Variants in MRRF observed in about 807,000 individuals in gnomAD.
MRRF encodes the protein mitochondrial ribosome recycling factor, also known as ribosome-recycling factor, mitochondrial.
MRRF carries 18 observed loss-of-function variants against 25.1 expected under a neutral mutation model. The ratio of observed to expected loss-of-function variants is 0.72; its 90% CI spans 0.50 to 1.06. MRRF has a LOEUF of 1.06. MRRF is among the 50% of genes least tolerant of loss of function. The pLI is 0.00. For missense variants in MRRF, 323 were observed against 319.3 expected (o/e 1.01, Z -0.09); for synonymous variants, 113 against 112.1 (o/e 1.01, Z -0.05).
At chr9:122,290,973 T>C (rs766966659) in intron 4 of MRRF, among the ~76,000 whole-genome samples, 2 of 152,200 alleles carry the variant, frequency 1.3e-5, no homozygotes, top group African/African-American at 2.4e-5. Flanking sequence ...CTTTATATAA[T>C]AAATGTATAT....
At chr9:122,277,739 A>G (rs1832864013) in intron 2 of MRRF, among the ~76,000 whole-genome samples, 1 of 151,938 alleles carries the variant, frequency 6.6e-6, no homozygotes. Flanking sequence ...TTTAGTAGAG[A>G]TGGTGTTTTG....
rs1181876110 is a variant in MRRF, at chr9:122,326,240, C to G, written c.*3623C>G. The G allele has an allele frequency of 6.6e-6, 1 of 151,614 alleles. No homozygotes were observed. The highest frequency in any genetic ancestry group is 1.5e-5 in the Non-Finnish European group (1 of 68,020). The allele number at this position is 151,614 out of a possible 1,614,324, so 9.4% of individuals were successfully genotyped here. ...TTCCCTGCTTCAGCCTCCTGAGTAG[C>G]TGGGATTACAGGCGCCCGCCACCAC... On this transcript the variant is annotated 3_prime_UTR_variant, in exon 7 of 7. Coordinates refer to ENST00000344641, the MANE Select transcript of MRRF (RefSeq NM_138777.5).
chr9:122,317,356 G>A (rs1246599376), intron 6 of MRRF, among the ~76,000 whole-genome samples: 1 of 151,744 alleles, frequency 6.6e-6, no homozygotes, highest in Admixed American at 6.6e-5. Context: ...AAATCCATAC[G>A]ACCTTTCTAA....
At chr9:122,266,193 G>GTCATAGAT (rs1832072878) in intron 1 of MRRF, among the ~76,000 whole-genome samples, 1 of 152,236 alleles carries the variant, frequency 6.6e-6, no homozygotes. Flanking sequence ...ATTAGTCCTT[G>GTCATAGAT]TAGTACTTAG....
At position 122,325,581 on chromosome 9, in the gene MRRF, T is replaced by G. The variant is rs1588099739; in HGVS notation, c.*2964T>G. On this transcript the variant is annotated 3_prime_UTR_variant, in exon 7 of 7. Coordinates refer to ENST00000344641, the MANE Select transcript of MRRF (RefSeq NM_138777.5). ...CTATTCAGTTTAATGACTTTCAAAG[T>G]CCTATGAAATATTCAGGCCAGAGAG... is the stretch of plus-strand genomic sequence containing the variant. The G allele has an allele frequency of 6.6e-6, 1 of 151,816 alleles. No individual in the cohort carries two copies. The highest frequency in any genetic ancestry group is 2.1e-4 in the South Asian group (1 of 4,820). 9.4% of individuals were successfully genotyped at this position (151,816 alleles called of 1,614,324 possible).
Position 122,270,869 on chromosome 9 carries a change from G to A in MRRF, c.-23G>A. ...TTTTGTCTTATTCTTTTTAGTGGAT[G>A]TTTCCAAGGATTGTCTTCAGTCATG... On this transcript the variant is annotated 5_prime_UTR_variant, in exon 2 of 7. It removes an upstream start codon present in the reference 5' UTR. Coordinates refer to ENST00000344641, the MANE Select transcript of MRRF (RefSeq NM_138777.5). 1 of 1,613,102 alleles carries A rather than the reference G, an allele frequency of 6.2e-7. No homozygotes were observed. The highest frequency in any genetic ancestry group is 8.5e-7 in the Non-Finnish European group (1 of 1,179,050).
rs77321228 is a variant in MRRF, at chr9:122,293,914, A to G, written c.551+2074A>G. Among the ~76,000 whole-genome samples, 555 of 152,354 alleles carry G rather than the reference A, an allele frequency of 3.6e-3. 26 individuals are homozygous for G. In the East Asian group the frequency reaches 0.096, roughly 26 times the overall value. On this transcript the variant is annotated intron_variant, in intron 5 of 6. Transcript: ENST00000344641. ...GGGACTTGCCCGAGATCACATGACCAGTAAATGGCAGTCAGGATTTGAAGC... is the reference window on the plus strand; with the variant it reads ...GGGACTTGCCCGAGATCACATGACCGGTAAATGGCAGTCAGGATTTGAAGC...
At chr9:122,309,154 C>T (rs1835054490) in intron 5 of MRRF, among the ~76,000 whole-genome samples, 1 of 152,152 alleles carries the variant, frequency 6.6e-6, no homozygotes, top group Admixed American at 6.5e-5. Flanking sequence ...CTCTGTGAGT[C>T]TGGCATATTT....
Position 122,326,943 on chromosome 9 carries a change from G to A in MRRF, c.*4326G>A, listed in dbSNP as rs1410633937. 1 of 152,246 alleles carries A rather than the reference G, an allele frequency of 6.6e-6. No individual in the cohort carries two copies. The highest frequency in any genetic ancestry group is 2.4e-5 in the African/African-American group (1 of 41,466). The allele number at this position is 152,246 out of a possible 1,614,324, so 9.4% of individuals were successfully genotyped here. On this transcript the variant is annotated 3_prime_UTR_variant, in exon 7 of 7. Transcript: ENST00000344641. The stretch of plus-strand genomic sequence containing the variant: ...TTTCAAACCCACATCTGACCTTGAA[G>A]TAGGTCCTTAATCAGTGTGCTTTGG...
At position 122,268,444 on chromosome 9, in the gene MRRF, TTATAAG is replaced by T. The variant is rs539469456; in HGVS notation, c.-28-2416_-28-2411del. On this transcript the variant is annotated intron_variant, in intron 1 of 6. Coordinates refer to ENST00000344641, the MANE Select transcript of MRRF (RefSeq NM_138777.5). Reference sequence around the variant, plus strand: ...CTCATTATTCTACAGCCATATTTGGTTATAAGTATGAGTTAGGCATTGGTTTTATTA... The same window carrying T: ...CTCATTATTCTACAGCCATATTTGGTTATGAGTTAGGCATTGGTTTTATTA... 1.6e-4 allele frequency among the ~76,000 whole-genome samples: 25 copies of T among 152,292 alleles called. No homozygotes were observed. In the East Asian group the frequency reaches 1.9e-3, roughly 12 times the overall value.
intron 4 of MRRF, chr9:122,286,280 A>G: frequency 9.3e-7 from 1 of 1,078,118 alleles, no homozygotes; most frequent in Non-Finnish European, 1.2e-6. Flanking sequence ...GAGAAAGGGA[A>G]AGCCCTTGCT....
At chr9:122,269,505 G>T (rs1194085888) in intron 1 of MRRF, among the ~76,000 whole-genome samples, 1 of 152,208 alleles carries the variant, frequency 6.6e-6, no homozygotes, top group Middle Eastern at 3.4e-3. Flanking sequence ...CAGGTGGATT[G>T]CCTGAGCCCA....
Position 122,307,626 on chromosome 9 carries a change from T to C in MRRF, c.552-5601T>C, listed in dbSNP as rs956621308. Among the ~76,000 whole-genome samples, 12 of 152,296 alleles carry C rather than the reference T, an allele frequency of 7.9e-5. 1 individual carries two copies. In the South Asian group the frequency reaches 2.5e-3, roughly 32 times the overall value. On this transcript the variant is annotated intron_variant, in intron 5 of 6. Coordinates refer to ENST00000344641, the MANE Select transcript of MRRF (RefSeq NM_138777.5). Reference sequence around the variant, plus strand: ...AGCACGCCAAGTACTTATCCCCCATTATTTCATTTAATCCTCCCTTCCACC... The same window carrying C: ...AGCACGCCAAGTACTTATCCCCCATCATTTCATTTAATCCTCCCTTCCACC...
intron 5 of MRRF, among the ~76,000 whole-genome samples, chr9:122,299,993 A>C (rs2118871198): frequency 6.6e-6 from 1 of 152,322 alleles, no homozygotes; most frequent in East Asian, 1.9e-4. Flanking sequence ...GATGTGCAGC[A>C]GATGTCTGGG....
intron 5 of MRRF, among the ~76,000 whole-genome samples, chr9:122,297,147 T>C (rs570688318): frequency 6.6e-6 from 1 of 152,264 alleles, no homozygotes; most frequent in South Asian, 2.1e-4. Flanking sequence ...ACCCCATCTC[T>C]ACTAAAAATA....
chr9:122,306,679 CG>C (rs1834867495), intron 5 of MRRF, among the ~76,000 whole-genome samples: 3 of 152,116 alleles, frequency 2.0e-5, no homozygotes, highest in Admixed American at 2.0e-4. Flanking sequence ...TGTGCTTTTT[CG>C]CATGTATGAT....
chr9:122,288,653 A>G (rs757944069), intron 4 of MRRF, among the ~76,000 whole-genome samples: 6 of 152,258 alleles, frequency 3.9e-5, no homozygotes, highest in Non-Finnish European at 7.3e-5. Flanking sequence ...TTCATAGACT[A>G]CATTCTAAGG....
In MRRF at chr9:122,322,746, G is replaced by A; in HGVS notation, c.*129G>A. 1.2e-6 allele frequency: 1 copy of A among 820,828 alleles called. No homozygotes were observed. Among genetic ancestry groups the A allele is most frequent in the Non-Finnish European group, 2.1e-6 (1 of 481,310 alleles). 50.8% of individuals were successfully genotyped at this position (820,828 alleles called of 1,614,324 possible). A position where few individuals can be genotyped will look rare whatever the true frequency, so the allele number is the denominator to read the frequency against. ...ACCATGCTGACAGAAGCCTGTCCTTGTAAGGCCCAGCCTTCCAGGGGAACA... is the reference window on the plus strand; with the variant it reads ...ACCATGCTGACAGAAGCCTGTCCTTATAAGGCCCAGCCTTCCAGGGGAACA... On this transcript the variant is annotated 3_prime_UTR_variant, in exon 7 of 7. Coordinates refer to ENST00000344641, the MANE Select transcript of MRRF (RefSeq NM_138777.5).
chr9:122,292,199 G>A (rs1249961642), intron 5 of MRRF, among the ~76,000 whole-genome samples: 1 of 152,174 alleles, frequency 6.6e-6, no homozygotes, highest in Non-Finnish European at 1.5e-5. Flanking sequence ...ATGGTGGCAG[G>A]GGCACCTGTA....
Sources: gnomAD v4.1 joint callset for allele counts (sites outside exome capture counted in the v4.1 genomes callset) on GRCh38, gnomAD v4.1.1 for gene constraint, MANE v1.5 for transcripts, NCBI Gene and HGNC (gene_info 2026-07-23, HGNC 2026-07-21) for gene names.